CFAP20DC: variants seen among roughly 807,000 people sequenced by gnomAD.
The protein encoded by CFAP20DC is protein CFAP20DC.
Under a neutral mutation model 101.7 loss-of-function variants are expected in CFAP20DC, and 84 were observed. That is an observed-to-expected ratio of 0.83 (90% CI 0.69 to 0.99). The LOEUF is 0.99. Ranked by LOEUF, CFAP20DC falls within the 50% of genes least tolerant of loss-of-function variation. The pLI, the probability that CFAP20DC is intolerant of heterozygous loss-of-function variation, is 0.00. For missense variants in CFAP20DC, 1,007 were observed against 970.3 expected (o/e 1.04, Z -0.50); for synonymous variants, 359 against 351.2 (o/e 1.02, Z -0.25).
At chr3:58,730,133 T>C (rs2067617870) in intron 3 of CFAP20DC, among the ~76,000 whole-genome samples, 1 of 152,124 alleles carries the variant, frequency 6.6e-6, no homozygotes, top group African/African-American at 2.4e-5. Flanking sequence ...GTGTTGAGGA[T>C]TAAACAGAAT....
chr3:58,880,237 C>T (rs983853183), intron 7 of CFAP20DC, among the ~76,000 whole-genome samples: 3 of 152,110 alleles, frequency 2.0e-5, no homozygotes, highest in South Asian at 2.1e-4. Flanking sequence ...ATCAAGTTTC[C>T]TGTGTTTCCT....
chr3:58,892,710 T>C lies in CFAP20DC; in HGVS notation c.551-8001A>G, dbSNP rs1382321612. 6.6e-6 allele frequency among the ~76,000 whole-genome samples: 1 copy of C among 152,222 alleles called. No homozygotes were observed. The highest frequency in any genetic ancestry group is 1.5e-5 in the Non-Finnish European group (1 of 68,044). On this transcript the variant is annotated intron_variant, in intron 6 of 16. Transcript: ENST00000482387. This position sits in a 1 kb window ranked among gnomAD's most constrained non-coding sequence, Gnocchi z 4.0. ...TATCCTGAGATTTTGCAGAAGTTGC[T>C]TATCAGCTTAAAAAGCTTTAGGCTG...
chr3:58,830,660 T>G (rs1237975386), intron 14 of CFAP20DC, among the ~76,000 whole-genome samples: 1 of 152,222 alleles, frequency 6.6e-6, no homozygotes, highest in East Asian at 1.9e-4. Context: ...TATATAGTTA[T>G]ATATAAATGA....
rs571461187 is a variant in CFAP20DC at position 58,718,797 on chromosome 3, C to G, written c.198-1169G>C. Among the ~76,000 whole-genome samples, 3 of 152,302 alleles carry G rather than the reference C, an allele frequency of 2.0e-5. No individual in the cohort carries two copies. In the South Asian group the frequency reaches 6.2e-4, roughly 32 times the overall value. On this transcript the variant is annotated intron_variant, in intron 3 of 3. Transcript: ENST00000486145. ...GTCCAATTGGCCTGCTCTTGGTATG[C>G]TAAGGAAAATCTTGTTAGTTATATA... is the stretch of plus-strand genomic sequence containing the variant.
At chr3:58,747,555 C>T (rs995962081) in intron 16 of CFAP20DC, among the ~76,000 whole-genome samples, 6 of 151,978 alleles carry the variant, frequency 3.9e-5, no homozygotes, top group Admixed American at 1.3e-4. Flanking sequence ...CTGACACTGC[C>T]GTCTACATTT....
chr3:58,824,601 A>T (rs2075914026), intron 14 of CFAP20DC: 1 of 152,160 alleles, frequency 6.6e-6, no homozygotes, highest in African/African-American at 2.4e-5. Flanking sequence ...TTATGTTGTT[A>T]TGTAAAACCT....
chr3:58,959,657 ATTACTGTAGCT>A (rs2090964148), intron 4 of CFAP20DC, among the ~76,000 whole-genome samples: 1 of 152,154 alleles, frequency 6.6e-6, no homozygotes, highest in African/African-American at 2.4e-5. Flanking sequence ...TACTAACTTG[ATTACTGTAGCT>A]TTACAGTAAA....
At chr3:58,986,327 G>A (rs1576602268) in intron 4 of CFAP20DC, among the ~76,000 whole-genome samples, 1 of 152,098 alleles carries the variant, frequency 6.6e-6, no homozygotes, top group Non-Finnish European at 1.5e-5. Context: ...GTTAATATGT[G>A]TGCATGTGTG....
At chr3:58,816,517 AG>A (rs1159721457) in intron 14 of CFAP20DC, among the ~76,000 whole-genome samples, 1 of 152,172 alleles carries the variant, frequency 6.6e-6, no homozygotes, top group East Asian at 1.9e-4. Flanking sequence ...TCCGAGTCAA[AG>A]AAAGGGGTGA....
At chr3:58,816,529 C>A (rs531870811) in intron 14 of CFAP20DC, among the ~76,000 whole-genome samples, 2 of 152,222 alleles carry the variant, frequency 1.3e-5, no homozygotes, top group East Asian at 1.9e-4. Flanking sequence ...AAAGGGGTGA[C>A]GGACGCATCT....
intron 2 of CFAP20DC, among the ~76,000 whole-genome samples, chr3:59,046,539 T>C (rs1699875860): frequency 6.6e-6 from 1 of 152,042 alleles, no homozygotes; most frequent in African/African-American, 2.4e-5. Flanking sequence ...AGGTGTGGAC[T>C]GGAAAGTGAC....
At chr3:58,931,008 T>A (rs2086583750) in intron 5 of CFAP20DC, among the ~76,000 whole-genome samples, 1 of 152,142 alleles carries the variant, frequency 6.6e-6, no homozygotes, top group Non-Finnish European at 1.5e-5. Context: ...GGGAGTTCCC[T>A]TTCCTAGTAA....
At chr3:59,022,795 T>C (rs2093826578) in intron 4 of CFAP20DC, among the ~76,000 whole-genome samples, 1 of 152,122 alleles carries the variant, frequency 6.6e-6, no homozygotes, top group Non-Finnish European at 1.5e-5. Context: ...TTTATTAAAG[T>C]TGTCCTTGGG....
intron 13 of CFAP20DC, among the ~76,000 whole-genome samples, chr3:58,842,363 G>A (rs1433591344): frequency 6.6e-6 from 1 of 152,206 alleles, no homozygotes; most frequent in Non-Finnish European, 1.5e-5. Context: ...GAAGCGCAAG[G>A]GGTCAGGGAG....
At chr3:58,723,284 T>C (rs1350728695) in intron 3 of CFAP20DC, among the ~76,000 whole-genome samples, 1 of 152,228 alleles carries the variant, frequency 6.6e-6, no homozygotes, top group Admixed American at 6.5e-5. Flanking sequence ...TTTGTAACAT[T>C]TGCAATTTCA....
At chr3:58,764,245 C>G (rs1050170431) in intron 15 of CFAP20DC, among the ~76,000 whole-genome samples, 2 of 152,216 alleles carry the variant, frequency 1.3e-5, no homozygotes, top group Admixed American at 6.5e-5. Context: ...GAGGGCGCCC[C>G]TCCTCCAGCC....
In CFAP20DC at chr3:58,861,326, T is replaced by C. The variant is rs1424948849; in HGVS notation, c.1593+2232A>G. ...CACCATTATTTACAACTTGACATTA[T>C]GTTTTCCTGAAGTATAATTATACAA... On this transcript the variant is annotated intron_variant, in intron 12 of 16. Coordinates refer to ENST00000482387, the MANE Select transcript of CFAP20DC (RefSeq NM_001394063.1). This position sits in a 1 kb window ranked among gnomAD's most constrained non-coding sequence, Gnocchi z 4.0. 2.7e-6 allele frequency: 2 copies of C among 735,358 alleles called. No homozygotes were observed. Among genetic ancestry groups the C allele is most frequent in the Non-Finnish European group, 3.3e-6 (2 of 602,058 alleles). 45.6% of individuals were successfully genotyped at this position (735,358 alleles called of 1,614,324 possible).
chr3:59,027,152 T>C (rs2093908110), intron 4 of CFAP20DC, among the ~76,000 whole-genome samples: 2 of 152,134 alleles, frequency 1.3e-5, no homozygotes, highest in South Asian at 2.1e-4. Context: ...CTGTATTGAA[T>C]TCCAGGTTAA....
rs74404189 is a variant in CFAP20DC at position 58,899,080 on chromosome 3, G to A, written c.551-14371C>T. Reference sequence around the variant, plus strand: ...TTTCCTCTGGAATCTCCATCCCAGGGGGGTACTGACCTGTTGCCAGCCTGA... The same window carrying A: ...TTTCCTCTGGAATCTCCATCCCAGGAGGGTACTGACCTGTTGCCAGCCTGA... On this transcript the variant is annotated intron_variant, in intron 6 of 16. Coordinates refer to ENST00000482387, the MANE Select transcript of CFAP20DC (RefSeq NM_001394063.1). This position sits in a 1 kb window ranked among gnomAD's most constrained non-coding sequence, Gnocchi z 5.0. Among the ~76,000 whole-genome samples, 10,394 of 152,104 alleles carry A rather than the reference G, an allele frequency of 0.068. 670 individuals are homozygous for A. The highest frequency in any genetic ancestry group is 0.38 in the East Asian group (1,925 of 5,128).
Sources: allele counts gnomAD v4.1 joint callset (sites outside exome capture counted in the v4.1 genomes callset), GRCh38; gene constraint gnomAD v4.1.1; non-coding constraint Gnocchi (gnomAD v3.1); transcripts MANE v1.5; gene names NCBI Gene and HGNC (gene_info 2026-07-23, HGNC 2026-07-21).